Variants in UHRF2 observed in about 807,000 individuals in gnomAD.
UHRF2 encodes the protein E3 ubiquitin-protein ligase UHRF2.
UHRF2 carries 23 observed loss-of-function variants against 96.8 expected under a neutral mutation model. The observed-to-expected ratio is 0.24, with a 90% confidence interval of 0.17 to 0.34. The LOEUF is 0.34. UHRF2 is among the 10% of genes least tolerant of loss of function. UHRF2 has a pLI of 1.00. For synonymous variants in UHRF2, 385 were observed against 332.6 expected, an observed-to-expected ratio of 1.16 and a Z score of -1.72; for missense variants, 685 against 981.5, an observed-to-expected ratio of 0.70 and a Z score of 4.04.
At chr9:6,497,932 C>G in intron 11 of UHRF2, 86 bp from the exon 12 acceptor site, 1 of 1,511,652 alleles carries the variant, frequency 6.6e-7, no homozygotes. Flanking sequence ...GCATTTAGTT[C>G]TGGCAAAGAT....
chr9:6,490,676 T>G (rs1281411703), intron 9 of UHRF2, among the ~76,000 whole-genome samples: 2 of 152,350 alleles, frequency 1.3e-5, no homozygotes, highest in Non-Finnish European at 1.5e-5. Context: ...TTTATTTTCT[T>G]GTTTCCATGT....
intron 9 of UHRF2, among the ~76,000 whole-genome samples, chr9:6,488,455 C>A (rs1824446480): frequency 6.6e-6 from 1 of 151,138 alleles, no homozygotes; most frequent in Admixed American, 6.6e-5. Context: ...TATTGTGTTG[C>A]CCTTTTATAG....
chr9:6,446,775 G>A (rs931810837), intron 3 of UHRF2, among the ~76,000 whole-genome samples: 3 of 151,888 alleles, frequency 2.0e-5, no homozygotes, highest in Non-Finnish European at 4.4e-5. Context: ...AACCCAAGAA[G>A]TGGGGATTAC....
At chr9:6,488,617 A>C (rs549644962) in intron 9 of UHRF2, among the ~76,000 whole-genome samples, 136 of 127,372 alleles carry the variant, frequency 1.1e-3, no homozygotes, top group Non-Finnish European at 1.7e-3. Context: ...GCGCCATCTC[A>C]GTTCACTGCA....
chr9:6,469,893 G>C (rs968032673), intron 4 of UHRF2, among the ~76,000 whole-genome samples: 2 of 151,842 alleles, frequency 1.3e-5, no homozygotes, highest in Non-Finnish European at 2.9e-5. Context: ...ACTGATTAAA[G>C]ATACAAGTTC....
At chr9:6,491,674 G>A (rs1824667587) in intron 9 of UHRF2, among the ~76,000 whole-genome samples, 1 of 152,190 alleles carries the variant, frequency 6.6e-6, no homozygotes, top group Admixed American at 6.5e-5. Context: ...GTCTTAGGCA[G>A]TTGCTTTAGC....
intron 1 of UHRF2, 87 bp from the exon 2 acceptor site, chr9:6,420,825 T>G: frequency 9.3e-7 from 1 of 1,072,632 alleles, no homozygotes; most frequent in Non-Finnish European, 1.4e-6. Context: ...CTATGGATTT[T>G]AAGTTTGGCT....
Position 6,413,774 on chromosome 9 carries a change from C to T in UHRF2, c.153+131C>T, listed in dbSNP as rs570840015. 2.9e-5 allele frequency: 34 copies of T among 1,180,620 alleles called. No homozygotes were observed. In the African/African-American group the frequency reaches 5.3e-4, roughly 19 times the overall value. 73.1% of individuals were successfully genotyped at this position (1,180,620 alleles called of 1,614,324 possible). ...CCTGGCTCCGCTGCGGGTGGGCAGC[C>T]CCCGCGAGGCGCGGGGTGCGGGGCC... On this transcript the variant is annotated intron_variant, in intron 1 of 15. Coordinates refer to ENST00000276893, the MANE Select transcript of UHRF2 (RefSeq NM_152896.3).
At chr9:6,476,872 C>T (rs373423841) in intron 5 of UHRF2, among the ~76,000 whole-genome samples, 1 of 152,164 alleles carries the variant, frequency 6.6e-6, no homozygotes, top group Non-Finnish European at 1.5e-5. Flanking sequence ...GTATTACAGG[C>T]ATGAGCCACC....
At chr9:6,489,480 A>G (rs773477622) in intron 9 of UHRF2, among the ~76,000 whole-genome samples, 2 of 152,208 alleles carry the variant, frequency 1.3e-5, no homozygotes, top group Non-Finnish European at 2.9e-5. Context: ...TAGTTGTTTA[A>G]AGAAACTGCC....
intron 4 of UHRF2, among the ~76,000 whole-genome samples, chr9:6,475,121 T>C (rs1254259190): frequency 2.0e-5 from 3 of 152,202 alleles, no homozygotes; most frequent in Non-Finnish European, 4.4e-5. Context: ...TGCCATTTTA[T>C]CTAGTCTTTA....
chr9:6,475,725 A>G (rs893661276), intron 5 of UHRF2, among the ~76,000 whole-genome samples: 3 of 152,124 alleles, frequency 2.0e-5, no homozygotes, highest in African/African-American at 7.2e-5. Context: ...TTTTATTGCT[A>G]TTATTTTATT....
intron 2 of UHRF2, among the ~76,000 whole-genome samples, chr9:6,426,528 A>G (rs1283414960): frequency 1.3e-5 from 2 of 152,222 alleles, no homozygotes. Context: ...TGGGGGATGA[A>G]CCTTAGTAAT....
At position 6,421,105 on chromosome 9, in the gene UHRF2, G is replaced by A. The variant is rs140727862; in HGVS notation, c.347G>A (p.Arg116His). 8,001 of 1,613,976 alleles carry A rather than the reference G, an allele frequency of 5.0e-3. 41 individuals are homozygous for A. Among genetic ancestry groups the A allele is most frequent in the Non-Finnish European group, 5.4e-3 (6,359 of 1,179,964 alleles). Residue 116 changes from arginine to histidine, a missense_variant, in exon 2 of 16, where the codon CGT (arginine) becomes CAT (histidine). Around this residue, in one of 6 missense-constraint regions of UHRF2, gnomAD observed 391 missense variants for 437.0 expected, o/e 0.89. Transcript: ENST00000276893. ...GPSNQPSTSA[R>H]ARLIDPGFGI... The stretch of plus-strand genomic sequence containing the variant: ...TCCAATCAGCCATCTACATCAGCTC[G>A]TGCCCGTCTTATTGATCCTGGCTTT...
rs755356776 is a variant in UHRF2, at chr9:6,434,099, C to T, written c.570C>T (p.Asp190=). The change falls in exon 3 of 16, where the codon GAC becomes GAT. Residue 190 remains aspartate, a synonymous_variant. Coordinates refer to ENST00000276893, the MANE Select transcript of UHRF2 (RefSeq NM_152896.3). The stretch of plus-strand genomic sequence containing the variant: ...CCAAAGAGAACACAAATAAATTGGA[C>T]AGTGTACCCTCTACGTCTAATTCAG... ...HKSKENTNKL[D]SVPSTSNSDC... is the part of the protein sequence containing the mutation. 6.2e-7 allele frequency: 1 copy of T among 1,614,060 alleles called. No individual in the cohort carries two copies. The highest frequency in any genetic ancestry group is 8.5e-7 in the Non-Finnish European group (1 of 1,179,990).
intron 2 of UHRF2, among the ~76,000 whole-genome samples, chr9:6,432,476 A>G (rs1587781752): frequency 6.6e-6 from 1 of 152,376 alleles, no homozygotes; most frequent in South Asian, 2.1e-4. Flanking sequence ...TGGCAAGAAC[A>G]TAAGCTTCAA....
intron 10 of UHRF2, chr9:6,496,359 A>T (rs1824967150): frequency 6.6e-6 from 1 of 152,224 alleles, no homozygotes; most frequent in Admixed American, 6.5e-5. Flanking sequence ...TGTTATTTTA[A>T]AATAGTAAAA....
chr9:6,468,445 CAAAG>C (rs1184268629), intron 4 of UHRF2: 1 of 455,902 alleles, frequency 2.2e-6, no homozygotes, highest in Non-Finnish European at 4.4e-6. Flanking sequence ...ACCAGAGAAT[CAAAG>C]AGAACCAACT....
Position 6,506,195 on chromosome 9 carries a change from T to G in UHRF2, c.*16T>G. On this transcript the variant is annotated 3_prime_UTR_variant, in exon 16 of 16. Coordinates refer to ENST00000276893, the MANE Select transcript of UHRF2 (RefSeq NM_152896.3). ...AGGACGATGATCTGCCTGCTTTCAC[T>G]GTGTTGTTCATGGTGGCTTTTTGGA... is the stretch of plus-strand genomic sequence containing the variant. 1.9e-6 allele frequency: 3 copies of G among 1,613,372 alleles called. No individual in the cohort carries two copies. Among genetic ancestry groups the G allele is most frequent in the Non-Finnish European group, 2.5e-6 (3 of 1,179,586 alleles).
Sources: gnomAD v4.1 joint callset for allele counts (sites outside exome capture counted in the v4.1 genomes callset) on GRCh38, gnomAD v4.1.1 for gene constraint, gnomAD v4.1.1 regional missense constraint, MANE v1.5 for transcripts, NCBI Gene and HGNC (gene_info 2026-07-23, HGNC 2026-07-21) for gene names.